Variants in ZPLD1 observed in about 807,000 individuals in gnomAD.
ZPLD1 encodes the protein zona pellucida-like domain-containing protein 1.
Under a neutral mutation model 47.2 loss-of-function variants are expected in ZPLD1, and 34 were observed. That is an observed-to-expected ratio of 0.72 (90% CI 0.55 to 0.96). The LOEUF is 0.96. Ranked by LOEUF, ZPLD1 falls within the 40% of genes least tolerant of loss-of-function variation. ZPLD1 has a pLI of 0.00. For missense variants in ZPLD1, 512 were observed against 505.8 expected (o/e 1.01, Z -0.12); for synonymous variants, 176 against 186.2 (o/e 0.95, Z 0.45).
chr3:102,412,036 T>A (rs1337982207), intron 7 of ZPLD1, among the ~76,000 whole-genome samples: 1 of 151,688 alleles, frequency 6.6e-6, no homozygotes, highest in Non-Finnish European at 1.5e-5. Flanking sequence ...TTGCAGCAGG[T>A]GGGAACCTCA....
chr3:102,469,860 C>G (rs188789701), intron 9 of ZPLD1, among the ~76,000 whole-genome samples: 1 of 152,144 alleles, frequency 6.6e-6, no homozygotes, highest in Non-Finnish European at 1.5e-5. Flanking sequence ...CTATTCTGAC[C>G]GGCTCTCTAG....
At chr3:102,446,558 G>A (rs1707258335) in intron 3 of ZPLD1, among the ~76,000 whole-genome samples, 2 of 151,994 alleles carry the variant, frequency 1.3e-5, no homozygotes, top group Non-Finnish European at 2.9e-5. Flanking sequence ...CTCAAAGACT[G>A]AGCTTATCAT....
rs1208567153 is a variant in ZPLD1 at position 102,436,956 on chromosome 3, A to ATGGAAG, written c.-22_-21insAGTGGA. ...CATCATGAGAAGGAAGTGGTGGAGC[A>ATGGAAG]TGGAGCATGGAATAAATGTGGGTGC... On this transcript the variant is annotated 5_prime_UTR_variant, in exon 2 of 12. Transcript: ENST00000466937. 11 of 985,180 alleles carry ATGGAAG rather than the reference A, an allele frequency of 1.1e-5. No homozygotes were observed. The African/African-American group carries it at 1.6e-4, about 14-fold the overall frequency. 61.0% of individuals were successfully genotyped at this position (985,180 alleles called of 1,614,324 possible).
chr3:102,432,475 A>G (rs2107315389), upstream of ZPLD1, among the ~76,000 whole-genome samples: 1 of 152,284 alleles, frequency 6.6e-6, no homozygotes, highest in East Asian at 1.9e-4. Context: ...TGAATTTTCT[A>G]TTTTTCTTTC....
intron 11 of ZPLD1, 57 bp from the exon 12 acceptor site, chr3:102,477,386 A>C: frequency 1.3e-6 from 2 of 1,553,136 alleles, no homozygotes; most frequent in Non-Finnish European, 1.7e-6. Context: ...AATTGGGTCA[A>C]GGTGAGATAA....
intron 7 of ZPLD1, among the ~76,000 whole-genome samples, chr3:102,462,776 A>G (rs567687039): frequency 8.9e-4 from 136 of 152,312 alleles, no homozygotes; most frequent in South Asian, 1.5e-3. Context: ...AGGACTCTGC[A>G]TAAGAGTGTG....
Position 102,456,307 on chromosome 3 carries a change from G to A in ZPLD1, c.442G>A (p.Gly148Arg). The change falls in exon 5 of 12, where the codon GGG becomes AGG. Residue 148 changes from glycine (G) to arginine (R), a missense_variant. Coordinates refer to ENST00000466937, the MANE Select transcript of ZPLD1 (RefSeq NM_001329788.2). Reference sequence around the variant, plus strand: ...ACCAACAATCATCAGCTATCTACCTGGGCTTCTTTACAAATTTAGTTGTAG... The same window carrying A: ...ACCAACAATCATCAGCTATCTACCTAGGCTTCTTTACAAATTTAGTTGTAG... ...DPPTIISYLP[G>R]LLYKFSCSYP... 1 of 1,613,598 alleles carries A rather than the reference G, an allele frequency of 6.2e-7. No individual in the cohort carries two copies. The highest frequency in any genetic ancestry group is 1.3e-5 in the African/African-American group (1 of 74,960).
chr3:102,440,735 A>G (rs1707164240), intron 3 of ZPLD1, among the ~76,000 whole-genome samples: 1 of 150,790 alleles, frequency 6.6e-6, no homozygotes, highest in South Asian at 2.1e-4. Flanking sequence ...GATTGGGAAA[A>G]AAAAAAAAAA....
At chr3:102,444,397 T>C (rs1346353002) in intron 3 of ZPLD1, among the ~76,000 whole-genome samples, 1 of 152,200 alleles carries the variant, frequency 6.6e-6, no homozygotes, top group Non-Finnish European at 1.5e-5. Flanking sequence ...CCACTTTAAG[T>C]TCTTCATCAG....
intron 3 of ZPLD1, among the ~76,000 whole-genome samples, chr3:102,444,438 A>G (rs1173098427): frequency 6.6e-6 from 1 of 152,104 alleles, no homozygotes; most frequent in Non-Finnish European, 1.5e-5. Flanking sequence ...TGAAATATCA[A>G]TACCCCTTTA....
chr3:102,449,935 T>A (rs1419806574), intron 3 of ZPLD1, among the ~76,000 whole-genome samples: 1 of 152,178 alleles, frequency 6.6e-6, no homozygotes, highest in Non-Finnish European at 1.5e-5. Context: ...CCTTATATGA[T>A]TAATTAGCTA....
At chr3:102,473,968 A>G (rs950434341) in intron 10 of ZPLD1, among the ~76,000 whole-genome samples, 1 of 152,060 alleles carries the variant, frequency 6.6e-6, no homozygotes, top group Non-Finnish European at 1.5e-5. Context: ...GTTTTGCTCT[A>G]TTTGCTCATT....
chr3:102,428,287 G>A (rs114374023), intron 8 of ZPLD1, among the ~76,000 whole-genome samples: 2,032 of 152,180 alleles, frequency 0.013, 46 homozygotes, highest in African/African-American at 0.047. Flanking sequence ...GTTTAAAGAC[G>A]TGAATCTTGC....
At chr3:102,470,756 G>A (rs1030603785) in intron 10 of ZPLD1, among the ~76,000 whole-genome samples, 1 of 151,126 alleles carries the variant, frequency 6.6e-6, no homozygotes, top group Non-Finnish European at 1.5e-5. Flanking sequence ...ACGCACACAC[G>A]AGTAGGCCAT....
intron 3 of ZPLD1, among the ~76,000 whole-genome samples, chr3:102,443,242 A>G (rs1707208440): frequency 6.6e-6 from 1 of 152,188 alleles, no homozygotes; most frequent in South Asian, 2.1e-4. Flanking sequence ...TCAGTGTTTC[A>G]TAACATGTGA....
At chr3:102,393,776 A>G (rs976154962) in intron 7 of ZPLD1, among the ~76,000 whole-genome samples, 1 of 152,146 alleles carries the variant, frequency 6.6e-6, no homozygotes, top group African/African-American at 2.4e-5. Context: ...GAAATGTGGC[A>G]ATGGAAAATC....
intron 5 of ZPLD1, among the ~76,000 whole-genome samples, chr3:102,456,633 T>C (rs920645658): frequency 2.6e-5 from 4 of 151,960 alleles, no homozygotes; most frequent in Admixed American, 1.3e-4. Context: ...AACCAGTTTT[T>C]CCCCCAAATC....
At chr3:102,474,593 A>T (rs1281804439) in intron 10 of ZPLD1, among the ~76,000 whole-genome samples, 1 of 152,120 alleles carries the variant, frequency 6.6e-6, no homozygotes, top group African/African-American at 2.4e-5. Flanking sequence ...AGGTTATTAA[A>T]GTTTTTTAAA....
intron 10 of ZPLD1, among the ~76,000 whole-genome samples, chr3:102,471,284 C>T (rs1707681562): frequency 6.6e-6 from 1 of 152,162 alleles, no homozygotes; most frequent in South Asian, 2.1e-4. Flanking sequence ...ACAATTCTCT[C>T]CCTAGAACTA....
Sources: gnomAD v4.1 joint callset for allele counts (sites outside exome capture counted in the v4.1 genomes callset) on GRCh38, gnomAD v4.1.1 for gene constraint, MANE v1.5 for transcripts, NCBI Gene and HGNC (gene_info 2026-07-23, HGNC 2026-07-21) for gene names.